The following IGSF9B variants were observed in gnomAD, a reference collection of about 807,000 sequenced individuals.
IGSF9B encodes protein turtle homolog B.
IGSF9B carries 48 observed loss-of-function variants against 143.7 expected under a neutral mutation model. The ratio of observed to expected loss-of-function variants is 0.33; its 90% CI spans 0.26 to 0.42. The LOEUF (loss-of-function observed/expected upper bound fraction) is 0.42. Among genes scored for constraint, IGSF9B ranks in the 20% least tolerant of loss-of-function variants. The pLI, the probability that IGSF9B is intolerant of heterozygous loss-of-function variation, is 1.00. For synonymous variants in IGSF9B, 903 were observed against 833.1 expected (o/e 1.08, Z -1.44); for missense variants, 1,706 against 1,980.0 (o/e 0.86, Z 2.63).
Position 133,897,155 on chromosome 11 carries a change from G to C in IGSF9B, c.*11914C>G, listed in dbSNP as rs766554632. ...TGAGGGAAAAAAAGCACCTGATTGAGAGTGTAGCTGTTTCCAATACACCTC... is the reference window on the plus strand; with the variant it reads ...TGAGGGAAAAAAAGCACCTGATTGACAGTGTAGCTGTTTCCAATACACCTC... On this transcript the variant is annotated 3_prime_UTR_variant, in exon 20 of 20. Transcript: ENST00000533871. The C allele has an allele frequency of 6.6e-6, 1 of 152,184 alleles. No homozygotes were observed. The highest frequency in any genetic ancestry group is 2.4e-5 in the African/African-American group (1 of 41,450). 9.4% of individuals were successfully genotyped at this position (152,184 alleles called of 1,614,324 possible).
rs926074861 is a variant in IGSF9B at position 133,925,900 on chromosome 11, G to T, written c.1873C>A (p.Arg625=). ...VTPPRCLIAN[R]TQQGVLLSWL... ...GACAGGAGCACACCCTGCTGAGTCC[G>T]ATTGGCTATGAGGCACCTCGGTGGG... Residue 625 remains arginine, a synonymous_variant, in exon 14 of 20, where the codon CGG becomes AGG. Coordinates refer to ENST00000533871, the MANE Select transcript of IGSF9B (RefSeq NM_001277285.4). 3 of 1,612,018 alleles carry T rather than the reference G, an allele frequency of 1.9e-6. No homozygotes were observed. The highest frequency in any genetic ancestry group is 1.7e-5 in the Admixed American group (1 of 59,782).
Position 133,944,251 on chromosome 11 carries a change from G to C in IGSF9B, c.378C>G (p.His126Gln). ...LMLDQQYDTFHNGSWVHLTIN... is the reference protein window; with the variant it reads ...LMLDQQYDTFQNGSWVHLTIN... ...TGGTGAGGTGGACCCAGCTGCCATT[G>C]TGGAAGGTGTCATACTGCTGGTCCA... The change falls in exon 3 of 20, where the codon CAC becomes CAG. Residue 126 changes from histidine (H) to glutamine (Q), a missense_variant. By Grantham distance (24) the His-to-Gln change is conservative (BLOSUM62 0). Around this residue, in one of 7 missense-constraint regions of IGSF9B, gnomAD observed 171 missense variants for 213.9 expected, o/e 0.80. Coordinates refer to ENST00000533871, the MANE Select transcript of IGSF9B (RefSeq NM_001277285.4). 1 of 1,612,372 alleles carries C rather than the reference G, an allele frequency of 6.2e-7. No homozygotes were observed. The highest frequency in any genetic ancestry group is 8.5e-7 in the Non-Finnish European group (1 of 1,178,984).
rs1257004542 is a variant in IGSF9B, at chr11:133,913,115, CAGCGCTGGCATT to C, written c.3984-1120_3984-1109del. 2.0e-5 allele frequency among the ~76,000 whole-genome samples: 3 copies of C among 152,174 alleles called. No homozygotes were observed. Among genetic ancestry groups the C allele is most frequent in the Non-Finnish European group, 2.9e-5 (2 of 68,030 alleles). On this transcript the variant is annotated intron_variant, in intron 18 of 19. Coordinates refer to ENST00000533871, the MANE Select transcript of IGSF9B (RefSeq NM_001277285.4). The surrounding 1 kb of genome is among the most constrained non-coding windows in gnomAD (Gnocchi z 4.6). ...AAGACAGGTCACTCTGTCTTCCCAC[CAGCGCTGGCATT>C]AGCACGTGATCAGAGAAGCAGGGAC...
intron 7 of IGSF9B, among the ~76,000 whole-genome samples, chr11:133,935,065 G>A (rs760343729): frequency 6.6e-5 from 10 of 152,234 alleles, no homozygotes; most frequent in Non-Finnish European, 1.3e-4. Context: ...GCCCTCGAAC[G>A]TCTGGGTGAG....
In IGSF9B at chr11:133,933,971, T is replaced by A. The variant is rs577701955; in HGVS notation, c.967+1646A>T. Among the ~76,000 whole-genome samples the A allele has an allele frequency of 2.7e-5, 4 of 150,714 alleles. No homozygotes were observed. In the South Asian group the frequency reaches 8.5e-4, roughly 32 times the overall value. ...ATATTTAGACATAGCTTCCTACTTT[T>A]GTATGGTAGAGTTTTTTTTTTTTTT... On this transcript the variant is annotated intron_variant, in intron 7 of 19. Transcript: ENST00000533871.
At chr11:133,955,894 GCCCCT>G (rs1358237311) in intron 1 of IGSF9B, among the ~76,000 whole-genome samples, 4 of 150,072 alleles carry the variant, frequency 2.7e-5, no homozygotes, top group Non-Finnish European at 5.9e-5. Context: ...CCCCTTCCCC[GCCCCT>G]CCCCTCCCCC....
In IGSF9B at chr11:133,898,490, G is replaced by C. The variant is rs1939059809; in HGVS notation, c.*10579C>G. 6.5e-6 allele frequency: 1 copy of C among 154,396 alleles called. No homozygotes were observed. Among genetic ancestry groups the C allele is most frequent in the East Asian group, 1.9e-4 (1 of 5,190 alleles). The allele number at this position is 154,396 out of a possible 1,614,324, so 9.6% of individuals were successfully genotyped here. On this transcript the variant is annotated 3_prime_UTR_variant, in exon 20 of 20. Transcript: ENST00000533871. ...CATGATCAAAGTCCCTCCTGGGGAAGAGAAAAACACTGAAGACCAAGGGGC... is the reference window on the plus strand; with the variant it reads ...CATGATCAAAGTCCCTCCTGGGGAACAGAAAAACACTGAAGACCAAGGGGC...
chr11:133,919,127 G>GGGGGGGGGGA, intron 18 of IGSF9B: 1 of 355,288 alleles, frequency 2.8e-6, no homozygotes, highest in East Asian at 1.1e-4. Flanking sequence ...ACGGGGGGGG[G>GGGGGGGGGGA]GTGGGGGACG....
chr11:133,918,944 G>C (rs1190420859), intron 18 of IGSF9B: 2 of 464,950 alleles, frequency 4.3e-6, no homozygotes, highest in Non-Finnish European at 8.8e-6. Flanking sequence ...GGAAGGAGGG[G>C]CAGGGGGAGG....
chr11:133,916,559 T>A (rs1403861023), intron 18 of IGSF9B, among the ~76,000 whole-genome samples: 2 of 152,108 alleles, frequency 1.3e-5, no homozygotes, highest in Non-Finnish European at 2.9e-5. Flanking sequence ...CTCCTTCTCC[T>A]AGGCTGGGGA....
In IGSF9B at chr11:133,909,335, C is replaced by G; in HGVS notation, c.4106-58G>C. 2 of 1,315,612 alleles carry G rather than the reference C, an allele frequency of 1.5e-6. No homozygotes were observed. Among genetic ancestry groups the G allele is most frequent in the Non-Finnish European group, 2.1e-6 (2 of 947,492 alleles). The allele number at this position is 1,315,612 out of a possible 1,614,324, so 81.5% of individuals were successfully genotyped here. ...AGCAAGCGGATGAAAAGGAAGCACG[C>G]AGCCTGCTCACCTTTTCCACCTGCA... On this transcript the variant is annotated intron_variant, in intron 19 of 19. Transcript: ENST00000533871. This position sits in a 1 kb window ranked among gnomAD's most constrained non-coding sequence, Gnocchi z 4.2.
chr11:133,935,777 G>C lies in IGSF9B; in HGVS notation c.822-15C>G. ...GCTTCAGGTCGCTGCAAAGCGGCAT[G>C]GGGACAGGGGGTTGGGCGAGCAGAA... On this transcript the variant is annotated splice_polypyrimidine_tract_variant and intron_variant, in intron 6 of 19. Transcript: ENST00000533871. 6.2e-7 allele frequency: 1 copy of C among 1,608,694 alleles called. No homozygotes were observed. Among genetic ancestry groups the C allele is most frequent in the South Asian group, 1.1e-5 (1 of 90,530 alleles).
In IGSF9B at chr11:133,920,754, G is replaced by A. The variant is rs574419265; in HGVS notation, c.2971C>T (p.Pro991Ser). ...GGGGACGACATGACGGAGCTCAGGG[G>A]GCTGCCCACTTCTGGCACGTAGAAC... ...PPFYVPEVGS[P>S]LSSVMSSPPL... Residue 991 changes from proline to serine, a missense_variant, in exon 18 of 20, where the codon CCC becomes TCC. This residue lies in a region of IGSF9B where 880 missense variants were observed against 762.9 expected (regional missense o/e 1.15). Transcript: ENST00000533871. 1.1e-5 allele frequency: 18 copies of A among 1,612,742 alleles called. No homozygotes were observed. The African/African-American group carries it at 1.2e-4, about 11-fold the overall frequency.
intron 3 of IGSF9B, among the ~76,000 whole-genome samples, chr11:133,938,736 G>A (rs191094272): frequency 1.2e-4 from 19 of 152,134 alleles, no homozygotes; most frequent in Admixed American, 3.3e-4. Context: ...ACTCCAGCCC[G>A]GAGGCCCACG....
intron 1 of IGSF9B, among the ~76,000 whole-genome samples, chr11:133,949,184 G>A (rs1349445743): frequency 6.6e-6 from 1 of 152,190 alleles, no homozygotes; most frequent in Non-Finnish European, 1.5e-5. Flanking sequence ...GGATAAGCAA[G>A]ACAAAATGAG....
rs907551237 is a variant in IGSF9B at position 133,906,588 on chromosome 11, C to T, written c.*2481G>A. 6.6e-6 allele frequency among the ~76,000 whole-genome samples: 1 copy of T among 152,192 alleles called. No homozygotes were observed. Among genetic ancestry groups the T allele is most frequent in the Admixed American group, 6.5e-5 (1 of 15,284 alleles). On this transcript the variant is annotated 3_prime_UTR_variant, in exon 20 of 20. Coordinates refer to ENST00000533871, the MANE Select transcript of IGSF9B (RefSeq NM_001277285.4). ...GGAGGAGTCAGCACCTGGGTTAGCA[C>T]GGGGGTGCCCTGGAAGGCACAGCCA...
At chr11:133,954,182 C>T (rs970137479) in intron 1 of IGSF9B, among the ~76,000 whole-genome samples, 1 of 152,084 alleles carries the variant, frequency 6.6e-6, no homozygotes, top group Admixed American at 6.5e-5. Flanking sequence ...GCTGCTCACA[C>T]GAGCGGGCGC....
chr11:133,944,334 G>A lies in IGSF9B; in HGVS notation c.295C>T (p.Arg99Trp), dbSNP rs776113610. ...RASLHDKASL[R>W]LEQVRSEDQG... ...TCCTCAGAGCGAACTTGTTCCAGCC[G>A]CAGAGATGCCTTATCATGAAGACTG... Residue 99 changes from arginine (R) to tryptophan (W), a missense_variant, in exon 3 of 20, where the codon CGG becomes TGG. Around this residue, in one of 7 missense-constraint regions of IGSF9B, gnomAD observed 171 missense variants for 213.9 expected, o/e 0.80. Transcript: ENST00000533871. 4.3e-6 allele frequency: 7 copies of A among 1,613,734 alleles called. No individual in the cohort carries two copies. The highest frequency in any genetic ancestry group is 1.3e-5 in the African/African-American group (1 of 74,928).
chr11:133,934,589 T>A (rs1457342579), intron 7 of IGSF9B, among the ~76,000 whole-genome samples: 1 of 152,154 alleles, frequency 6.6e-6, no homozygotes, highest in African/African-American at 2.4e-5. Flanking sequence ...ATGCACTCCA[T>A]AGAGAGGAAA....
Sources: gnomAD v4.1 joint callset for allele counts (sites outside exome capture counted in the v4.1 genomes callset) on GRCh38, gnomAD v4.1.1 for gene constraint, gnomAD v4.1.1 regional missense constraint, Gnocchi (gnomAD v3.1) non-coding constraint, MANE v1.5 for transcripts, NCBI Gene and HGNC (gene_info 2026-07-23, HGNC 2026-07-21) for gene names.